Variants in DNAI3 observed in about 807,000 individuals in gnomAD.
The protein encoded by DNAI3 is dynein axonemal intermediate chain 3, also known as WD repeat domain 63.
In DNAI3, 83 loss-of-function variants were observed where a neutral mutation model predicts 115.5. The ratio of observed to expected loss-of-function variants is 0.72; its 90% CI spans 0.60 to 0.86. The LOEUF (loss-of-function observed/expected upper bound fraction) is 0.86, where lower values mean the gene tolerates loss of function less well. Among genes scored for constraint, DNAI3 ranks in the 40% least tolerant of loss-of-function variants. The probability of loss-of-function intolerance (pLI) is 0.00; values close to 1 mark genes in which losing one functional copy is unlikely to be tolerated. For missense variants in DNAI3, 1,004 were observed against 1,075.8 expected (o/e 0.93, Z 0.93); for synonymous variants, 320 against 347.0 (o/e 0.92, Z 0.86).
At chr1:85,130,195 T>A in intron 22 of DNAI3, 83 bp downstream of exon 22, 5 of 1,563,698 alleles carry the variant, frequency 3.2e-6, no homozygotes, top group Non-Finnish European at 4.3e-6. Context: ...ACAGTTTCCA[T>A]AGAAAAGTTA....
At position 85,086,010 on chromosome 1, in the gene DNAI3, C is replaced by T; in HGVS notation, c.720C>T (p.Asp240=). 1 of 1,613,976 alleles carries T rather than the reference C, an allele frequency of 6.2e-7. No individual in the cohort carries two copies. Among genetic ancestry groups the T allele is most frequent in the Non-Finnish European group, 8.5e-7 (1 of 1,179,964 alleles). The change falls in exon 7 of 23, where the codon GAC becomes GAT. Residue 240 remains aspartate (D), a synonymous_variant. Coordinates refer to ENST00000294664, the MANE Select transcript of DNAI3 (RefSeq NM_145172.5). ...TGCAAGTAATCCCCCAAATAAAGGA[C>T]ATAAGCACTCAGACAAAATGGTAAG... The part of the protein sequence containing the change: ...VGMQVIPQIK[D]ISTQTKWTYP...
At chr1:85,070,052 G>A (rs1391276873) in intron 1 of DNAI3, among the ~76,000 whole-genome samples, 1 of 152,078 alleles carries the variant, frequency 6.6e-6, no homozygotes, top group East Asian at 1.9e-4. Flanking sequence ...CACCAGGTCA[G>A]GAGTTCGAGA....
chr1:85,081,084 G>T, intron 3 of DNAI3, 150 bp from the exon 4 acceptor site: 1 of 581,096 alleles, frequency 1.7e-6, no homozygotes, highest in Non-Finnish European at 2.7e-6. Flanking sequence ...AAAAAATAAT[G>T]GATATATTTA....
At chr1:85,096,167 G>T in intron 11 of DNAI3, 147 bp downstream of exon 11, 1 of 698,258 alleles carries the variant, frequency 1.4e-6, no homozygotes, top group Non-Finnish European at 2.5e-6. Context: ...CCAGGAAGCA[G>T]GGTATAGAGA....
In DNAI3 at chr1:85,084,631, C is replaced by T. The variant is rs1654741465; in HGVS notation, c.476C>T (p.Pro159Leu). ...VYIYKPPVSK[P>L]WVSLGSEKEI... ...ATTTATAAACCACCTGTCTCTAAAC[C>T]ATGGGTTTCTTTGGGCAGTGAAAAA... is the stretch of plus-strand genomic sequence containing the variant. Residue 159 changes from proline (P) to leucine (L), a missense_variant, in exon 6 of 23, where the codon CCA becomes CTA. Transcript: ENST00000294664. 6.4e-7 allele frequency: 1 copy of T among 1,573,226 alleles called. No individual in the cohort carries two copies. The highest frequency in any genetic ancestry group is 2.4e-5 in the East Asian group (1 of 41,838).
intron 12 of DNAI3, 80 bp downstream of exon 12, chr1:85,097,735 G>T: frequency 7.9e-7 from 1 of 1,259,482 alleles, no homozygotes; most frequent in East Asian, 2.7e-5. Flanking sequence ...AGTTGCCAAG[G>T]CTAATAAAAA....
chr1:85,120,166 T>C (rs1655952149), intron 17 of DNAI3, among the ~76,000 whole-genome samples: 1 of 152,236 alleles, frequency 6.6e-6, no homozygotes, highest in Non-Finnish European at 1.5e-5. Context: ...CAAAATTCCC[T>C]GGCCTCATGG....
chr1:85,068,316 C>T (rs1186929711), intron 1 of DNAI3, among the ~76,000 whole-genome samples: 1 of 152,174 alleles, frequency 6.6e-6, no homozygotes, highest in African/African-American at 2.4e-5. Context: ...CAATAAATAG[C>T]AACTCCATGC....
chr1:85,082,368 T>G lies in DNAI3; in HGVS notation c.354T>G (p.Leu118=). 1 of 1,613,900 alleles carries G rather than the reference T, an allele frequency of 6.2e-7. No homozygotes were observed. The change falls in exon 5 of 23, where the codon CTT becomes CTG. Residue 118 remains leucine (L), a synonymous_variant. Coordinates refer to ENST00000294664, the MANE Select transcript of DNAI3 (RefSeq NM_145172.5). ...TCAAATATGGACTTAACTTTTATCTTATTGCAACTGAAGAGGGCAAAGAAA... is the reference window on the plus strand; with the variant it reads ...TCAAATATGGACTTAACTTTTATCTGATTGCAACTGAAGAGGGCAAAGAAA... ...KDFKYGLNFY[L]IATEEGKENY...
chr1:85,070,837 C>T (rs944331368), intron 1 of DNAI3, among the ~76,000 whole-genome samples: 2 of 151,200 alleles, frequency 1.3e-5, no homozygotes, highest in African/African-American at 4.9e-5. Context: ...ACATAGTAAG[C>T]ACTTCACAAA....
chr1:85,093,684 A>G (rs367981923), intron 9 of DNAI3, 36 bp downstream of exon 9: 136 of 1,611,798 alleles, frequency 8.4e-5, no homozygotes, highest in Non-Finnish European at 1.1e-4. Context: ...CTTTTGTGAT[A>G]ACATTGAAAT....
intron 8 of DNAI3, among the ~76,000 whole-genome samples, chr1:85,092,436 T>C (rs1348851131): frequency 6.6e-6 from 1 of 152,142 alleles, no homozygotes; most frequent in Non-Finnish European, 1.5e-5. Flanking sequence ...CTTTTTCAAC[T>C]TACCACACCT....
chr1:85,119,810 G>C (rs1338167227), intron 17 of DNAI3, among the ~76,000 whole-genome samples: 1 of 151,914 alleles, frequency 6.6e-6, no homozygotes, highest in Non-Finnish European at 1.5e-5. Context: ...CAATTCCCCT[G>C]CCTCAGCCTC....
chr1:85,073,754 T>C (rs1396918219), intron 3 of DNAI3, among the ~76,000 whole-genome samples: 1 of 152,198 alleles, frequency 6.6e-6, no homozygotes. Flanking sequence ...AAAGGGTGAC[T>C]CCATCTGACA....
intron 13 of DNAI3, 114 bp from the exon 14 acceptor site, chr1:85,104,410 T>G: frequency 1.2e-6 from 1 of 855,332 alleles, no homozygotes; most frequent in Non-Finnish European, 1.8e-6. Context: ...CGTGAGCCAC[T>G]GCCCCCGGCC....
chr1:85,077,318 CAT>C (rs2100562013), intron 3 of DNAI3, among the ~76,000 whole-genome samples: 1 of 152,202 alleles, frequency 6.6e-6, no homozygotes, highest in Non-Finnish European at 1.5e-5. Flanking sequence ...CAAAAGGAAT[CAT>C]AGACCTAAAG....
chr1:85,117,704 T>C, intron 16 of DNAI3, 25 bp from the exon 17 acceptor site: 1 of 1,606,530 alleles, frequency 6.2e-7, no homozygotes. Context: ...AATATGTACT[T>C]CTTCTACCCA....
Position 85,115,959 on chromosome 1 carries a change from T to A in DNAI3, c.1787-1770T>A, listed in dbSNP as rs568228897. Among the ~76,000 whole-genome samples the A allele has an allele frequency of 2.0e-5, 3 of 152,294 alleles. No individual in the cohort carries two copies. The South Asian group carries it at 6.2e-4, about 32-fold the overall frequency. ...GCTGCAGACCCCTGCTCTACCACATTAAATGCTATTAACTCAGCCTATTTT... is the reference window on the plus strand; with the variant it reads ...GCTGCAGACCCCTGCTCTACCACATAAAATGCTATTAACTCAGCCTATTTT... On this transcript the variant is annotated intron_variant, in intron 16 of 22. Transcript: ENST00000294664.
intron 17 of DNAI3, among the ~76,000 whole-genome samples, chr1:85,118,951 T>C (rs1015375522): frequency 1.3e-4 from 20 of 152,032 alleles, no homozygotes; most frequent in African/African-American, 4.6e-4. Context: ...GTTAGTGAAA[T>C]AGTTTGGTGT....
Sources: allele counts gnomAD v4.1 joint callset (sites outside exome capture counted in the v4.1 genomes callset), GRCh38; gene constraint gnomAD v4.1.1; transcripts MANE v1.5; gene names NCBI Gene and HGNC (gene_info 2026-07-23, HGNC 2026-07-21).